The following XKR4 variants were observed in gnomAD, a reference collection of about 807,000 sequenced individuals.
XKR4 encodes the protein XK-related protein 4.
Under a neutral mutation model 53.9 loss-of-function variants are expected in XKR4, and 12 were observed. The ratio of observed to expected loss-of-function variants is 0.22; its 90% CI spans 0.14 to 0.36. The LOEUF (loss-of-function observed/expected upper bound fraction) is 0.36. Ranked by LOEUF, XKR4 falls within the 10% of genes least tolerant of loss-of-function variation. XKR4 has a pLI of 1.00. For synonymous variants in XKR4, 354 were observed against 362.4 expected (o/e 0.98, Z 0.26); for missense variants, 799 against 859.5 (o/e 0.93, Z 0.88).
intron 2 of XKR4, among the ~76,000 whole-genome samples, chr8:55,436,539 G>A (rs1427752764): frequency 6.6e-6 from 1 of 152,170 alleles, no homozygotes; most frequent in Non-Finnish European, 1.5e-5. Flanking sequence ...CATTACTTCG[G>A]AAAAACATTT....
At chr8:55,236,143 G>A (rs1024345249) in intron 1 of XKR4, among the ~76,000 whole-genome samples, 3 of 152,206 alleles carry the variant, frequency 2.0e-5, no homozygotes, top group Non-Finnish European at 2.9e-5. Flanking sequence ...GTCAGGGCAG[G>A]TGGAGAAAAA....
rs573298837 is a variant in XKR4, at chr8:55,522,658, A to G, written c.1007-623A>G. On this transcript the variant is annotated intron_variant, in intron 2 of 2. Coordinates refer to ENST00000327381, the MANE Select transcript of XKR4 (RefSeq NM_052898.2). ...GAGATCACACACTTTATAAATGAGG[A>G]CACCCATTTTGACAATAGTCCAAGG... Among the ~76,000 whole-genome samples, 5 of 152,332 alleles carry G rather than the reference A, an allele frequency of 3.3e-5. 1 individual carries two copies. The highest frequency in any genetic ancestry group is 3.3e-4 in the Admixed American group (5 of 15,304).
intron 1 of XKR4, among the ~76,000 whole-genome samples, chr8:55,343,932 A>G (rs1007893360): frequency 6.6e-6 from 1 of 152,200 alleles, no homozygotes; most frequent in South Asian, 2.1e-4. Flanking sequence ...TTGCATTTGG[A>G]CCTAAACCTC....
chr8:55,445,247 C>T (rs1236540911), intron 2 of XKR4, among the ~76,000 whole-genome samples: 1 of 151,898 alleles, frequency 6.6e-6, no homozygotes, highest in Non-Finnish European at 1.5e-5. Context: ...TTAGTAGAGA[C>T]GGCGTTTCAC....
At chr8:55,296,808 A>G (rs1306346450) in intron 1 of XKR4, among the ~76,000 whole-genome samples, 1 of 152,192 alleles carries the variant, frequency 6.6e-6, no homozygotes, top group Non-Finnish European at 1.5e-5. Context: ...CATACTCACC[A>G]CAACTGTTGT....
intron 1 of XKR4, among the ~76,000 whole-genome samples, chr8:55,176,994 G>C (rs1164876853): frequency 1.3e-5 from 2 of 151,582 alleles, no homozygotes; most frequent in African/African-American, 4.8e-5. Flanking sequence ...AACACAAGCA[G>C]AAGTGTTAAA....
At chr8:55,459,995 A>C (rs1200561967) in intron 2 of XKR4, among the ~76,000 whole-genome samples, 1 of 149,618 alleles carries the variant, frequency 6.7e-6, no homozygotes, top group Non-Finnish European at 1.5e-5. Context: ...AGAATTATTC[A>C]TAATAGCCAA....
intron 2 of XKR4, among the ~76,000 whole-genome samples, chr8:55,465,774 TCAAA>T (rs1199283338): frequency 2.6e-5 from 4 of 151,774 alleles, no homozygotes; most frequent in Non-Finnish European, 5.9e-5. Context: ...TACAATGAAC[TCAAA>T]CAAATTTACA....
intron 1 of XKR4, among the ~76,000 whole-genome samples, chr8:55,160,769 T>C (rs142580131): frequency 6.6e-6 from 1 of 152,340 alleles, no homozygotes; most frequent in East Asian, 1.9e-4. Context: ...TTTGTACTAG[T>C]CTGAGCTGCT....
chr8:55,285,785 G>A (rs1036529407), intron 1 of XKR4, among the ~76,000 whole-genome samples: 4 of 152,108 alleles, frequency 2.6e-5, no homozygotes, highest in Admixed American at 1.3e-4. Flanking sequence ...CTATAGCCAA[G>A]TTCTATGGGC....
In XKR4 at chr8:55,166,362, G is replaced by A. The variant is rs79894201; in HGVS notation, c.806+63068G>A. Among the ~76,000 whole-genome samples, 988 of 152,218 alleles carry A rather than the reference G, an allele frequency of 6.5e-3. 11 individuals are homozygous for A. Among genetic ancestry groups the A allele is most frequent in the African/African-American group, 0.022 (934 of 41,522 alleles). The stretch of plus-strand genomic sequence containing the variant: ...ACAAGGAGACAGTCTGGTTGGAAGG[G>A]GAACAGTCATCTCTGCTGAGTCTTT... On this transcript the variant is annotated intron_variant, in intron 1 of 2. Transcript: ENST00000327381.
intron 2 of XKR4, among the ~76,000 whole-genome samples, chr8:55,366,044 G>A (rs1803979443): frequency 6.6e-6 from 1 of 152,258 alleles, no homozygotes; most frequent in African/African-American, 2.4e-5. Context: ...CTGGGACGAG[G>A]CTGGGGCCAG....
intron 1 of XKR4, among the ~76,000 whole-genome samples, chr8:55,153,265 C>T (rs902887556): frequency 1.2e-4 from 19 of 152,270 alleles, no homozygotes; most frequent in Admixed American, 1.2e-3. Context: ...TATAGAAAAG[C>T]TTTTGCTGGA....
intron 2 of XKR4, among the ~76,000 whole-genome samples, chr8:55,418,386 C>G (rs1302870439): frequency 6.6e-6 from 1 of 152,180 alleles, no homozygotes; most frequent in Admixed American, 6.5e-5. Flanking sequence ...AGGCTAAAAC[C>G]CTTTCTGCTA....
intron 1 of XKR4, among the ~76,000 whole-genome samples, chr8:55,151,449 G>A (rs893863493): frequency 1.3e-5 from 2 of 152,238 alleles, no homozygotes; most frequent in East Asian, 1.9e-4. Context: ...TACATGACAT[G>A]ACTACAAAAT....
intron 1 of XKR4, among the ~76,000 whole-genome samples, chr8:55,150,102 T>C (rs16921266): frequency 0.036 from 5,496 of 152,294 alleles, 236 homozygotes; most frequent in East Asian, 0.1. Flanking sequence ...CAATATTACC[T>C]GGATTATGCA....
intron 1 of XKR4, among the ~76,000 whole-genome samples, chr8:55,224,991 A>G (rs1817934241): frequency 6.6e-6 from 1 of 152,226 alleles, no homozygotes; most frequent in African/African-American, 2.4e-5. Flanking sequence ...ATTTGGGTAT[A>G]TGGCATTGTG....
intron 1 of XKR4, among the ~76,000 whole-genome samples, chr8:55,300,617 A>G (rs1261897095): frequency 6.6e-6 from 1 of 152,084 alleles, no homozygotes; most frequent in African/African-American, 2.4e-5. Flanking sequence ...GATGGAAATG[A>G]GGGTAGACAG....
intron 1 of XKR4, among the ~76,000 whole-genome samples, chr8:55,168,511 G>C (rs987900085): frequency 6.6e-6 from 1 of 152,068 alleles, no homozygotes; most frequent in Non-Finnish European, 1.5e-5. Flanking sequence ...TTTGAGTATC[G>C]GGTAAGTCAC....
Sources: gnomAD v4.1 joint callset for allele counts (sites outside exome capture counted in the v4.1 genomes callset) on GRCh38, gnomAD v4.1.1 for gene constraint, MANE v1.5 for transcripts, NCBI Gene and HGNC (gene_info 2026-07-23, HGNC 2026-07-21) for gene names.